Variants in COL6A6 observed in about 807,000 individuals in gnomAD.
COL6A6 encodes collagen alpha-6(VI) chain.
COL6A6 carries 183 observed loss-of-function variants against 208.6 expected under a neutral mutation model. That is an observed-to-expected ratio of 0.88 (90% CI 0.78 to 0.99). The LOEUF is 0.99. Among genes scored for constraint, COL6A6 ranks in the 50% least tolerant of loss-of-function variants. The probability of loss-of-function intolerance (pLI) is 0.00; values close to 1 mark genes in which losing one functional copy is unlikely to be tolerated. For missense variants in COL6A6, 2,816 were observed against 2,815.2 expected, an observed-to-expected ratio of 1.00 and a Z score of -0.01; for synonymous variants, 973 against 1,011.8, an observed-to-expected ratio of 0.96 and a Z score of 0.73.
intron 23 of COL6A6, among the ~76,000 whole-genome samples, chr3:130,612,738 G>A (rs966072476): frequency 6.6e-6 from 1 of 152,006 alleles, no homozygotes; most frequent in Non-Finnish European, 1.5e-5. Context: ...GTGAGAGGTG[G>A]GTTACAAGCA....
Position 130,574,310 on chromosome 3 carries a change from A to G in COL6A6, c.3332A>G (p.Asp1111Gly). 6.2e-7 allele frequency: 1 copy of G among 1,614,016 alleles called. No homozygotes were observed. The highest frequency in any genetic ancestry group is 8.5e-7 in the Non-Finnish European group (1 of 1,179,892). The stretch of plus-strand genomic sequence containing the variant: ...CCACAGGTGCTGCTGGTCCTTACAG[A>G]TGGCCAGTCCCAAGACGAGGTGGCC... ...GTPQVLLVLT[D>G]GQSQDEVAQA... The change falls in exon 8 of 37, where the codon GAT (aspartate) becomes GGT (glycine). Residue 1111 changes from aspartate (D) to glycine (G), a missense_variant. Transcript: ENST00000358511.
chr3:130,523,130 A>C (rs1299838810), intron 1 of COL6A6, among the ~76,000 whole-genome samples: 1 of 151,936 alleles, frequency 6.6e-6, no homozygotes, highest in Non-Finnish European at 1.5e-5. Context: ...CTAGTTCTTT[A>C]GGGAGATCTT....
chr3:130,576,319 G>A lies in COL6A6; in HGVS notation c.3547+1794G>A, dbSNP rs538930288. Among the ~76,000 whole-genome samples, 14 of 152,216 alleles carry A rather than the reference G, an allele frequency of 9.2e-5. No homozygotes were observed. The East Asian group carries it at 2.7e-3, about 29-fold the overall frequency. The stretch of plus-strand genomic sequence containing the variant: ...TGTGTGCCTGATGGGAGAGCCCACA[G>A]CACATCAACAGCTCTCTCCAAACAC... On this transcript the variant is annotated intron_variant, in intron 8 of 36. Transcript: ENST00000358511.
At chr3:130,662,986 T>C (rs1479138597) in intron 35 of COL6A6, among the ~76,000 whole-genome samples, 2 of 152,178 alleles carry the variant, frequency 1.3e-5, no homozygotes, top group African/African-American at 2.4e-5. Context: ...TGTATCCTAA[T>C]ATGATTCTGA....
At chr3:130,642,745 T>C (rs1273091117) in intron 29 of COL6A6, 87 bp from the exon 30 acceptor site, 2 of 1,201,194 alleles carry the variant, frequency 1.7e-6, no homozygotes, top group Non-Finnish European at 2.4e-6. Flanking sequence ...TTAAAAGTTA[T>C]CACTTTCTGA....
At chr3:130,558,278 A>G (rs1049865229) in intron 1 of COL6A6, among the ~76,000 whole-genome samples, 1 of 152,142 alleles carries the variant, frequency 6.6e-6, no homozygotes, top group African/African-American at 2.4e-5. Context: ...CTACCTCCCG[A>G]GCATGACCTT....
Position 130,543,097 on chromosome 3 carries a change from G to C in COL6A6, c.-31-17237G>C, listed in dbSNP as rs76135696. On this transcript the variant is annotated intron_variant, in intron 1 of 36. Coordinates refer to ENST00000358511, the MANE Select transcript of COL6A6 (RefSeq NM_001102608.3). Reference sequence around the variant, plus strand: ...ATTTTTGTATTTTTAGTAGAGACAGGGTTTCACCATGTTGGCCAGGATGGT... The same window carrying C: ...ATTTTTGTATTTTTAGTAGAGACAGCGTTTCACCATGTTGGCCAGGATGGT... Among the ~76,000 whole-genome samples the C allele has an allele frequency of 0.011, 1,614 of 151,792 alleles. 54 individuals carry two copies. In the East Asian group the frequency reaches 0.11, roughly 11 times the overall value.
chr3:130,567,062 T>C lies in COL6A6; in HGVS notation c.1643T>C (p.Met548Thr), dbSNP rs931417794. 3.9e-5 allele frequency: 63 copies of C among 1,613,884 alleles called. No homozygotes were observed. The highest frequency in any genetic ancestry group is 4.8e-5 in the Non-Finnish European group (57 of 1,179,870). Reference protein sequence around the residue: ...PCHLVVLTNGMSKDSILEPAN... With the variant: ...PCHLVVLTNGTSKDSILEPAN... ...CACCTTGTTGTCCTGACAAATGGCATGTCCAAGGATAGCATCTTGGAGCCT... is the reference window on the plus strand; with the variant it reads ...CACCTTGTTGTCCTGACAAATGGCACGTCCAAGGATAGCATCTTGGAGCCT... Residue 548 changes from methionine to threonine, a missense_variant, in exon 5 of 37, where the codon ATG becomes ACG. Transcript: ENST00000358511.
At chr3:130,625,564 T>G (rs1000862031) in intron 24 of COL6A6, among the ~76,000 whole-genome samples, 4 of 152,166 alleles carry the variant, frequency 2.6e-5, no homozygotes, top group Non-Finnish European at 5.9e-5. Flanking sequence ...AAGCCCAGTC[T>G]AATCAGAAAA....
chr3:130,531,633 A>G (rs2062098450), intron 1 of COL6A6, among the ~76,000 whole-genome samples: 1 of 152,164 alleles, frequency 6.6e-6, no homozygotes, highest in African/African-American at 2.4e-5. Flanking sequence ...CTGTCTTTTC[A>G]CAGAGTTTTC....
chr3:130,627,291 T>A, intron 25 of COL6A6, 28 bp from the exon 26 acceptor site: 1 of 1,604,486 alleles, frequency 6.2e-7, no homozygotes, highest in Non-Finnish European at 8.5e-7. Context: ...TAGTCTGGGA[T>A]GTTGGTAATC....
intron 1 of COL6A6, among the ~76,000 whole-genome samples, chr3:130,557,973 G>A (rs2062803721): frequency 6.6e-6 from 1 of 152,192 alleles, no homozygotes; most frequent in Admixed American, 6.5e-5. Context: ...ACTTGATTCA[G>A]AATGAATTGA....
rs541736766 is a variant in COL6A6, at chr3:130,545,792, G to A, written c.-31-14542G>A. ...CTTTATCTCTGATTGTCTATGGTTT[G>A]AAAGTGTTATGCGTTGGTGTACTTT... On this transcript the variant is annotated intron_variant, in intron 1 of 36. Coordinates refer to ENST00000358511, the MANE Select transcript of COL6A6 (RefSeq NM_001102608.3). Among the ~76,000 whole-genome samples the A allele has an allele frequency of 1.5e-3, 223 of 152,268 alleles. 2 individuals are homozygous for A. The highest frequency in any genetic ancestry group is 7.6e-4 in the Non-Finnish European group (52 of 68,014).
At chr3:130,552,807 G>A (rs1440395043) in intron 1 of COL6A6, among the ~76,000 whole-genome samples, 1 of 71,020 alleles carries the variant, frequency 1.4e-5, no homozygotes, top group Non-Finnish European at 2.9e-5. Flanking sequence ...TCTATATGTA[G>A]CAGTCTTTTA....
At chr3:130,590,506 T>C (rs1296720535) in intron 12 of COL6A6, among the ~76,000 whole-genome samples, 6 of 120,218 alleles carry the variant, frequency 5.0e-5, no homozygotes, top group Admixed American at 9.9e-5. Context: ...TTCCCCTTCC[T>C]GTGTCCCAGT....
At chr3:130,607,099 T>A (rs996132423) in intron 21 of COL6A6, 133 bp downstream of exon 21, 27 of 624,916 alleles carry the variant, frequency 4.3e-5, no homozygotes, top group African/African-American at 1.3e-4. Context: ...GCTGAAAAAA[T>A]TTTAGGTTAA....
At chr3:130,641,438 C>G (rs549147223) in intron 28 of COL6A6, among the ~76,000 whole-genome samples, 2 of 152,090 alleles carry the variant, frequency 1.3e-5, no homozygotes, top group East Asian at 3.9e-4. Context: ...GAAAAGACAT[C>G]AAAATGTTAA....
chr3:130,639,182 C>T (rs913985587), intron 28 of COL6A6, among the ~76,000 whole-genome samples: 5 of 152,082 alleles, frequency 3.3e-5, no homozygotes, highest in Non-Finnish European at 5.9e-5. Context: ...CTTGAATTTT[C>T]AAGAGCTTGT....
intron 1 of COL6A6, among the ~76,000 whole-genome samples, chr3:130,525,122 C>T (rs944964173): frequency 6.6e-5 from 10 of 152,178 alleles, no homozygotes; most frequent in African/African-American, 1.9e-4. Flanking sequence ...GCTCAAATCA[C>T]AGCTGGCCAA....
Sources: gnomAD v4.1 joint callset for allele counts (sites outside exome capture counted in the v4.1 genomes callset) on GRCh38, gnomAD v4.1.1 for gene constraint, MANE v1.5 for transcripts, NCBI Gene and HGNC (gene_info 2026-07-23, HGNC 2026-07-21) for gene names.